Variants in KCNC2 observed in about 807,000 individuals in gnomAD.
KCNC2 encodes voltage-gated potassium channel KCNC2.
In KCNC2, 21 loss-of-function variants were observed where a neutral mutation model predicts 44.5. The observed-to-expected ratio is 0.47, with a 90% CI of 0.33 to 0.68. The LOEUF is 0.68. Among genes scored for constraint, KCNC2 ranks in the 30% least tolerant of loss-of-function variants. KCNC2 has a pLI of 0.01. For missense variants in KCNC2, 589 were observed against 826.2 expected (o/e 0.71, Z 3.52); for synonymous variants, 391 against 339.1 (o/e 1.15, Z -1.68).
At chr12:75,126,035 T>C (rs1193374067) in intron 2 of KCNC2, among the ~76,000 whole-genome samples, 1 of 152,144 alleles carries the variant, frequency 6.6e-6, no homozygotes, top group Non-Finnish European at 1.5e-5. Context: ...AACAATGAGG[T>C]AACTAAGAAC....
intron 2 of KCNC2, among the ~76,000 whole-genome samples, chr12:75,198,860 C>CA (rs1476153840): frequency 1.3e-5 from 2 of 151,336 alleles, no homozygotes; most frequent in South Asian, 2.1e-4. Context: ...ACAAAAAACT[C>CA]AAAAAAATTT....
At chr12:75,175,697 T>C (rs1892137960) in intron 2 of KCNC2, among the ~76,000 whole-genome samples, 1 of 152,084 alleles carries the variant, frequency 6.6e-6, no homozygotes. Context: ...CCTTCTCTGC[T>C]GTCCCACAAA....
chr12:75,166,143 G>A (rs537161212), intron 2 of KCNC2, among the ~76,000 whole-genome samples: 5 of 150,978 alleles, frequency 3.3e-5, no homozygotes, highest in South Asian at 4.2e-4. Flanking sequence ...AGACTTTAAG[G>A]CAAAAATTGG....
chr12:75,208,031 T>C, intron 1 of KCNC2, 29 bp from the exon 2 acceptor site: 2 of 1,606,084 alleles, frequency 1.2e-6, no homozygotes, highest in Non-Finnish European at 1.7e-6. Flanking sequence ...AGCGCCGAGT[T>C]AAAGATCTTA....
intron 2 of KCNC2, among the ~76,000 whole-genome samples, chr12:75,163,254 C>T (rs1405591725): frequency 6.6e-6 from 1 of 151,622 alleles, no homozygotes; most frequent in African/African-American, 2.4e-5. Flanking sequence ...TTTCCTTAAT[C>T]TCTGTCATTT....
chr12:75,071,456 GT>G (rs1443661388), intron 2 of KCNC2, among the ~76,000 whole-genome samples: 3 of 152,098 alleles, frequency 2.0e-5, no homozygotes, highest in Non-Finnish European at 4.4e-5. Flanking sequence ...ATCTTAAATG[GT>G]TGTGTACAGC....
At chr12:75,105,718 A>G (rs1886729887) in intron 2 of KCNC2, among the ~76,000 whole-genome samples, 1 of 152,168 alleles carries the variant, frequency 6.6e-6, no homozygotes, top group Non-Finnish European at 1.5e-5. Flanking sequence ...TCGAAGAATC[A>G]AGTTGCCATA....
intron 2 of KCNC2, among the ~76,000 whole-genome samples, chr12:75,159,694 G>A (rs1890997123): frequency 6.6e-6 from 1 of 151,788 alleles, no homozygotes; most frequent in Non-Finnish European, 1.5e-5. Flanking sequence ...TACATATATG[G>A]CTAGTATTTT....
chr12:75,125,223 A>G (rs1888330922), intron 2 of KCNC2, among the ~76,000 whole-genome samples: 1 of 152,252 alleles, frequency 6.6e-6, no homozygotes, highest in Admixed American at 6.5e-5. Context: ...TATACCAACT[A>G]GAAAACTCAT....
intron 2 of KCNC2, among the ~76,000 whole-genome samples, chr12:75,189,553 T>G (rs2029989476): frequency 6.6e-6 from 1 of 152,230 alleles, no homozygotes; most frequent in African/African-American, 2.4e-5. Flanking sequence ...GTACCTACTG[T>G]GTACCAACCT....
At chr12:75,188,062 G>A (rs546320785) in intron 2 of KCNC2, among the ~76,000 whole-genome samples, 7 of 152,214 alleles carry the variant, frequency 4.6e-5, no homozygotes, top group South Asian at 4.1e-4. Flanking sequence ...GTCCAATAAC[G>A]TTTTGATGAA....
At chr12:75,131,363 G>T (rs1275011204) in intron 2 of KCNC2, among the ~76,000 whole-genome samples, 1 of 152,072 alleles carries the variant, frequency 6.6e-6, no homozygotes, top group Non-Finnish European at 1.5e-5. Context: ...AAAATTGTTG[G>T]ATGATCTTAA....
chr12:75,046,069 G>T (rs568299235), intron 4 of KCNC2, among the ~76,000 whole-genome samples: 2 of 151,656 alleles, frequency 1.3e-5, no homozygotes, highest in African/African-American at 4.8e-5. Flanking sequence ...CAACTGAAAC[G>T]ATTAAGTGAA....
chr12:75,207,749 C>T lies in KCNC2; in HGVS notation c.235G>A (p.Glu79Lys), dbSNP rs776826710. 6.4e-7 allele frequency: 1 copy of T among 1,567,142 alleles called. No individual in the cohort carries two copies. The change falls in exon 2 of 5, where the codon GAG (glutamate) becomes AAG (lysine). Residue 79 changes from glutamate (E) to lysine (K), a missense_variant. By Grantham distance (56) the Glu-to-Lys change is moderately conservative. This residue lies in a region of KCNC2 where 148 missense variants were observed against 140.1 expected (regional missense o/e 1.06). Transcript: ENST00000549446. This position sits in a 1 kb window ranked among gnomAD's most constrained non-coding sequence, Gnocchi z 4.1. ...GAACTGCAGTTGCCCGCGCCGCCCTCGAAGCAGCCGCCTGGCCCGGGGGAC... is the reference window on the plus strand; with the variant it reads ...GAACTGCAGTTGCCCGCGCCGCCCTTGAAGCAGCCGCCTGGCCCGGGGGAC... ...PLSPGPGGCF[E>K]GGAGNCSSRG... is the part of the protein sequence containing the mutation.
At chr12:75,123,738 T>A (rs111489641) in intron 2 of KCNC2, among the ~76,000 whole-genome samples, 1 of 152,156 alleles carries the variant, frequency 6.6e-6, no homozygotes, top group Non-Finnish European at 1.5e-5. Context: ...GGTGGAAAAC[T>A]TGGAGACCTG....
chr12:75,184,137 T>C (rs1892779657), intron 2 of KCNC2, among the ~76,000 whole-genome samples: 1 of 152,174 alleles, frequency 6.6e-6, no homozygotes, highest in African/African-American at 2.4e-5. Context: ...CTGCCTATTA[T>C]AACACTTATA....
At chr12:75,122,593 A>C (rs542295524) in intron 2 of KCNC2, among the ~76,000 whole-genome samples, 9 of 152,318 alleles carry the variant, frequency 5.9e-5, no homozygotes, top group African/African-American at 2.2e-4. Context: ...AATCAAAGAA[A>C]ATCATGTCAA....
In KCNC2 at chr12:75,074,911, C is replaced by T. The variant is rs114698045; in HGVS notation, c.688-23594G>A. ...ACAGAAAGAGGCTTATCTAACTAAA[C>T]GGGAGGAAGAGCTTACTTGAATCAA... On this transcript the variant is annotated intron_variant, in intron 2 of 4. Transcript: ENST00000549446. Among the ~76,000 whole-genome samples, 483 of 152,106 alleles carry T rather than the reference C, an allele frequency of 3.2e-3. 4 individuals carry two copies. Among genetic ancestry groups the T allele is most frequent in the African/African-American group, 0.01 (416 of 41,524 alleles).
chr12:75,155,273 A>T (rs991574331), intron 2 of KCNC2, among the ~76,000 whole-genome samples: 2 of 151,900 alleles, frequency 1.3e-5, no homozygotes, highest in Non-Finnish European at 2.9e-5. Flanking sequence ...GCCTGTGATG[A>T]ATTCAAGTTT....
Sources: allele counts gnomAD v4.1 joint callset (sites outside exome capture counted in the v4.1 genomes callset), GRCh38; gene constraint gnomAD v4.1.1; regional missense constraint gnomAD v4.1.1; non-coding constraint Gnocchi (gnomAD v3.1); transcripts MANE v1.5; gene names NCBI Gene and HGNC (gene_info 2026-07-23, HGNC 2026-07-21).